The following BCKDHB variants were observed in gnomAD, a reference collection of about 807,000 sequenced individuals.
BCKDHB encodes branched chain keto acid dehydrogenase E1 subunit beta, also known as 2-oxoisovalerate dehydrogenase subunit beta, mitochondrial.
BCKDHB carries 41 observed loss-of-function variants against 48.5 expected under a neutral mutation model. The ratio of observed to expected loss-of-function variants is 0.85; its 90% confidence interval spans 0.66 to 1.10. BCKDHB has a LOEUF of 1.10. BCKDHB is among the 50% of genes least tolerant of loss of function. The pLI, the probability that BCKDHB is intolerant of heterozygous loss-of-function variation, is 0.00. For missense variants in BCKDHB, 496 were observed against 494.2 expected (o/e 1.00, Z -0.03); for synonymous variants, 201 against 174.8 (o/e 1.15, Z -1.18).
chr6:80,159,657 T>C (rs1476203772), intron 3 of BCKDHB, among the ~76,000 whole-genome samples: 1 of 152,220 alleles, frequency 6.6e-6, no homozygotes, highest in Non-Finnish European at 1.5e-5. Context: ...AGCTTTAATA[T>C]ATTGTGAAAT....
chr6:80,459,156 T>C, the BCKDHB span, among the ~76,000 whole-genome samples: 1 of 152,066 alleles, frequency 6.6e-6, no homozygotes, highest in Non-Finnish European at 1.5e-5. Context: ...TTGAAATTAG[T>C]ATTTCAAAGA....
the BCKDHB span, among the ~76,000 whole-genome samples, chr6:80,352,966 G>T: frequency 6.6e-6 from 1 of 152,158 alleles, no homozygotes. Context: ...TGCATAGCTT[G>T]CATAGTCTTC....
rs560995505 is a variant in BCKDHB, at chr6:80,344,777, AT to A, written c.*978del. The A allele has an allele frequency of 2.6e-5, 4 of 152,128 alleles. No homozygotes were observed. Among genetic ancestry groups the A allele is most frequent in the Non-Finnish European group, 5.9e-5 (4 of 68,018 alleles). 9.4% of individuals were successfully genotyped at this position (152,128 alleles called of 1,614,324 possible). A position where few individuals can be genotyped will look rare whatever the true frequency, so the allele number is the denominator to read the frequency against. The stretch of plus-strand genomic sequence containing the variant: ...TACCATTGTTTCAACTTCAACCTTT[AT>A]TTTTGTATATATTTTTTCAGCTACT... On this transcript the variant is annotated 3_prime_UTR_variant, in exon 10 of 10. Transcript: ENST00000320393.
At chr6:80,397,154 G>C in the BCKDHB span, among the ~76,000 whole-genome samples, 1 of 152,158 alleles carries the variant, frequency 6.6e-6, no homozygotes, top group African/African-American at 2.4e-5. Flanking sequence ...GTATTTGCCA[G>C]CCTTCAGAAT....
At chr6:80,445,556 A>G in the BCKDHB span, among the ~76,000 whole-genome samples, 2 of 152,174 alleles carry the variant, frequency 1.3e-5, no homozygotes. Context: ...ATCTGTATCT[A>G]TTATTATTTT....
chr6:80,129,363 C>T (rs890996022), intron 3 of BCKDHB, 134 bp downstream of exon 3: 2 of 711,460 alleles, frequency 2.8e-6, no homozygotes, highest in Admixed American at 4.3e-5. Flanking sequence ...TCCAACGCCA[C>T]CCGCAGAATC....
At chr6:80,117,108 A>T (rs1769745480) in intron 1 of BCKDHB, among the ~76,000 whole-genome samples, 1 of 152,240 alleles carries the variant, frequency 6.6e-6, no homozygotes, top group Non-Finnish European at 1.5e-5. Flanking sequence ...TGCTCCATTA[A>T]AATTTGTAAT....
intron 9 of BCKDHB, among the ~76,000 whole-genome samples, chr6:80,333,256 C>A (rs1769411423): frequency 2.6e-5 from 4 of 152,070 alleles, no homozygotes; most frequent in African/African-American, 9.7e-5. Context: ...ATGTTGTACA[C>A]CTGTGTGATA....
intron 1 of BCKDHB, among the ~76,000 whole-genome samples, chr6:80,111,923 A>C (rs111659694): frequency 2.1e-4 from 32 of 152,198 alleles, no homozygotes; most frequent in African/African-American, 7.5e-4. Context: ...TATTCCTGAT[A>C]CACAACTCAA....
chr6:80,428,020 C>G, the BCKDHB span, among the ~76,000 whole-genome samples: 1 of 152,098 alleles, frequency 6.6e-6, no homozygotes, highest in Non-Finnish European at 1.5e-5. Context: ...TATCCCTCCC[C>G]TAACCCCCCA....
the BCKDHB span, among the ~76,000 whole-genome samples, chr6:80,419,429 T>C: frequency 3.3e-5 from 5 of 152,136 alleles, no homozygotes; most frequent in Non-Finnish European, 7.4e-5. Context: ...GCTGCTTGTG[T>C]CAGACTGACC....
At chr6:80,268,420 C>A (rs1037186222) in intron 8 of BCKDHB, among the ~76,000 whole-genome samples, 1 of 152,014 alleles carries the variant, frequency 6.6e-6, no homozygotes, top group African/African-American at 2.4e-5. Context: ...CTGATACAGA[C>A]CAGCTTTGGT....
chr6:80,310,889 A>G (rs1378317690), intron 9 of BCKDHB, among the ~76,000 whole-genome samples: 1 of 60,626 alleles, frequency 1.6e-5, no homozygotes, highest in African/African-American at 3.4e-5. Flanking sequence ...GGCCACATGT[A>G]TGTCTTCTTT....
At position 80,304,418 on chromosome 6, in the gene BCKDHB, C is replaced by G. The variant is rs534690924; in HGVS notation, c.1038+31197C>G. Among the ~76,000 whole-genome samples the G allele has an allele frequency of 1.2e-4, 18 of 152,212 alleles. No homozygotes were observed. The East Asian group carries it at 3.3e-3, about 28-fold the overall frequency. On this transcript the variant is annotated intron_variant, in intron 9 of 9. Transcript: ENST00000320393. ...GCAAAGTGAAAACTGTTAAAGGTGACTCAAGAAGAAAAAGAAAACTCAAAT... is the reference window on the plus strand; with the variant it reads ...GCAAAGTGAAAACTGTTAAAGGTGAGTCAAGAAGAAAAAGAAAACTCAAAT...
intron 6 of BCKDHB, among the ~76,000 whole-genome samples, chr6:80,190,071 T>C (rs1386978013): frequency 6.6e-6 from 1 of 152,140 alleles, no homozygotes; most frequent in East Asian, 1.9e-4. Context: ...GAGTGATATA[T>C]AGTAATGCAC....
At chr6:80,417,610 C>G in the BCKDHB span, among the ~76,000 whole-genome samples, 8 of 152,178 alleles carry the variant, frequency 5.3e-5, no homozygotes, top group African/African-American at 1.7e-4. Context: ...TTAGTTCGGC[C>G]AGATATAAAA....
At chr6:80,243,564 A>G (rs1250356858) in intron 8 of BCKDHB, among the ~76,000 whole-genome samples, 1 of 152,128 alleles carries the variant, frequency 6.6e-6, no homozygotes, top group Non-Finnish European at 1.5e-5. Flanking sequence ...TGAGGGTATC[A>G]CTCTGTCATC....
rs12530261 is a variant in BCKDHB at position 80,205,836 on chromosome 6, A to G, written c.951+2624A>G. 4.4e-3 allele frequency among the ~76,000 whole-genome samples: 284 copies of G among 64,432 alleles called. 3 individuals carry two copies. The highest frequency in any genetic ancestry group is 0.014 in the African/African-American group (221 of 15,312). The allele number at this position is 64,432 out of a possible 152,430, so 42.3% of individuals were successfully genotyped here. A position where few individuals can be genotyped will look rare whatever the true frequency, so the allele number is the denominator to read the frequency against. On this transcript the variant is annotated intron_variant, in intron 8 of 9. Coordinates refer to ENST00000320393, the MANE Select transcript of BCKDHB (RefSeq NM_183050.4). ...TGTGTGTGTGTGTGTGTGTGTGTGT[A>G]GGTGGATTGGCTTAAGAGAATCAGC...
At chr6:80,408,519 T>G in the BCKDHB span, among the ~76,000 whole-genome samples, 4 of 152,214 alleles carry the variant, frequency 2.6e-5, no homozygotes, top group Admixed American at 2.6e-4. Context: ...TATTAATTAT[T>G]GCCTCAATTT....
Sources: allele counts gnomAD v4.1 joint callset (sites outside exome capture counted in the v4.1 genomes callset), GRCh38; gene constraint gnomAD v4.1.1; transcripts MANE v1.5; gene names NCBI Gene and HGNC (gene_info 2026-07-23, HGNC 2026-07-21).